MALRD1: variants seen among roughly 807,000 people sequenced by gnomAD.
MALRD1 encodes MAM and LDL receptor class A domain containing 1, also known as MAM and LDL-receptor class A domain-containing protein 1.
In MALRD1, 247 loss-of-function variants were observed where a neutral mutation model predicts 242.1. That is an observed-to-expected ratio of 1.02 (90% CI 0.92 to 1.13). The LOEUF is 1.13. Ranked by LOEUF, MALRD1 falls within the 50% of genes most tolerant of loss-of-function variation. The pLI is 0.00. For missense variants in MALRD1, 2,989 were observed against 2,533.1 expected (o/e 1.18, Z -3.86); for synonymous variants, 995 against 866.6 (o/e 1.15, Z -2.60).
chr10:19,549,021 A>G (rs930390762), intron 32 of MALRD1, among the ~76,000 whole-genome samples: 11 of 152,208 alleles, frequency 7.2e-5, no homozygotes, highest in African/African-American at 2.7e-4. Context: ...TAATGAAGCA[A>G]AACAGCCTTA....
At chr10:19,719,189 T>TATATATATATAC (rs1317498264) in intron 38 of MALRD1, among the ~76,000 whole-genome samples, 11 of 36,660 alleles carry the variant, frequency 3.0e-4, no homozygotes, top group African/African-American at 1.3e-3. Context: ...TATATATATA[T>TATATATATATAC]ACATACATAT....
intron 32 of MALRD1, among the ~76,000 whole-genome samples, chr10:19,532,551 C>G (rs7084915): frequency 6.6e-6 from 1 of 151,972 alleles, no homozygotes; most frequent in Admixed American, 6.6e-5. Flanking sequence ...ACCATGCCCC[C>G]CTTCTCAAAA....
chr10:19,285,153 C>T (rs1296221437), intron 21 of MALRD1, among the ~76,000 whole-genome samples: 4 of 141,910 alleles, frequency 2.8e-5, no homozygotes, highest in Non-Finnish European at 6.1e-5. Flanking sequence ...TGGATATTAG[C>T]CCTTTGTCAG....
At chr10:19,243,205 T>TCC (rs140867550) in intron 18 of MALRD1, among the ~76,000 whole-genome samples, 27 of 151,130 alleles carry the variant, frequency 1.8e-4, no homozygotes, top group African/African-American at 2.7e-4. Flanking sequence ...TCTTGACTTC[T>TCC]CCCCCGCCAC....
At chr10:19,724,545 G>T (rs1215443070) in intron 38 of MALRD1, among the ~76,000 whole-genome samples, 3 of 152,070 alleles carry the variant, frequency 2.0e-5, no homozygotes, top group Non-Finnish European at 4.4e-5. Flanking sequence ...CCCAGATAAA[G>T]GTTTATTCAC....
At chr10:19,658,513 A>C (rs1036854440) in intron 36 of MALRD1, among the ~76,000 whole-genome samples, 5 of 152,258 alleles carry the variant, frequency 3.3e-5, no homozygotes, top group Middle Eastern at 6.8e-3. Flanking sequence ...ACACATACAC[A>C]CAAACACACA....
intron 19 of MALRD1, among the ~76,000 whole-genome samples, chr10:19,273,903 G>A (rs1840375927): frequency 6.6e-6 from 1 of 151,978 alleles, no homozygotes; most frequent in Non-Finnish European, 1.5e-5. Context: ...GATCAAATAA[G>A]GAAAATGGAA....
chr10:19,679,184 G>A (rs1042641342), intron 36 of MALRD1, among the ~76,000 whole-genome samples: 1 of 152,170 alleles, frequency 6.6e-6, no homozygotes, highest in Non-Finnish European at 1.5e-5. Flanking sequence ...AAATGAGTTA[G>A]GGAGGAGTCC....
intron 33 of MALRD1, among the ~76,000 whole-genome samples, chr10:19,591,398 G>T (rs938552886): frequency 2.6e-5 from 4 of 151,968 alleles, no homozygotes; most frequent in Non-Finnish European, 4.4e-5. Context: ...TGATAATTAG[G>T]TAAATCCATG....
intron 26 of MALRD1, among the ~76,000 whole-genome samples, chr10:19,385,128 A>G (rs1382209143): frequency 6.6e-6 from 1 of 151,994 alleles, no homozygotes; most frequent in Non-Finnish European, 1.5e-5. Flanking sequence ...GTAATGATGT[A>G]TGATCCTCTT....
intron 36 of MALRD1, among the ~76,000 whole-genome samples, chr10:19,626,294 ATTTTTTTTTT>A: frequency 7.4e-6 from 1 of 134,302 alleles, no homozygotes; most frequent in African/African-American, 2.8e-5. Context: ...TAAAATCAAG[ATTTTTTTTTT>A]TTTTTTTTTT....
rs147787069 is a variant in MALRD1, at chr10:19,337,877, A to G, written c.3901+6295A>G. Among the ~76,000 whole-genome samples, 342 of 152,080 alleles carry G rather than the reference A, an allele frequency of 2.2e-3. 10 individuals are homozygous for G. In the East Asian group the frequency reaches 0.057, roughly 25 times the overall value. ...GGAGATCAAGACCATCCTAGCCAAC[A>G]TTGTGAAACCCCATCTCCACTAAAA... On this transcript the variant is annotated intron_variant, in intron 24 of 39. Coordinates refer to ENST00000454679, the MANE Select transcript of MALRD1 (RefSeq NM_001142308.3).
chr10:19,730,594 T>C, intron 38 of MALRD1, 112 bp from the exon 39 acceptor site: 1 of 1,071,114 alleles, frequency 9.3e-7, no homozygotes, highest in Non-Finnish European at 1.4e-6. Flanking sequence ...TGAAAATAAG[T>C]GTGCTGGCTA....
intron 14 of MALRD1, among the ~76,000 whole-genome samples, chr10:19,198,554 C>A (rs1458333825): frequency 1.3e-5 from 2 of 152,114 alleles, no homozygotes; most frequent in Non-Finnish European, 2.9e-5. Context: ...CATAGCTCTA[C>A]TATTTAAATA....
rs10579256 is a variant in MALRD1 at position 19,695,519 on chromosome 10, CTTT to C, written c.6314+2981_6314+2983del. On this transcript the variant is annotated intron_variant, in intron 38 of 39. Transcript: ENST00000454679. The stretch of plus-strand genomic sequence containing the variant: ...GAGAAGCAAAGGCATGTTTTTCTTT[CTTT>C]TTTTTTTTTTTTTTTGAGATGGAGT... Among the ~76,000 whole-genome samples the C allele has an allele frequency of 3.2e-3, 374 of 117,080 alleles. 3 individuals carry two copies. Among genetic ancestry groups the C allele is most frequent in the African/African-American group, 9.5e-3 (292 of 30,710 alleles). The allele number at this position is 117,080 out of a possible 152,430, so 76.8% of individuals were successfully genotyped here.
intron 36 of MALRD1, among the ~76,000 whole-genome samples, chr10:19,687,294 A>T (rs1164770331): frequency 6.6e-6 from 1 of 152,170 alleles, no homozygotes; most frequent in Non-Finnish European, 1.5e-5. Context: ...TAGCAAAGAG[A>T]TTACCTGCAA....
At position 19,341,504 on chromosome 10, in the gene MALRD1, A is replaced by ATACATGTG. The variant is rs1414631145; in HGVS notation, c.3902-6265_3902-6264insCATGTGTA. On this transcript the variant is annotated intron_variant, in intron 24 of 39. Coordinates refer to ENST00000454679, the MANE Select transcript of MALRD1 (RefSeq NM_001142308.3). ...TATGTGTATATATATGTATATATGT[A>ATACATGTG]TATATATGTGTGTATATATGTATAT... 3.5e-5 allele frequency among the ~76,000 whole-genome samples: 5 copies of ATACATGTG among 142,316 alleles called. No homozygotes were observed. The East Asian group carries it at 5.9e-4, about 17-fold the overall frequency. 93.4% of individuals were successfully genotyped at this position (142,316 alleles called of 152,430 possible).
chr10:19,109,190 A>G (rs1836584973), intron 5 of MALRD1, among the ~76,000 whole-genome samples: 1 of 152,138 alleles, frequency 6.6e-6, no homozygotes, highest in Non-Finnish European at 1.5e-5. Context: ...CTCCTTGGAC[A>G]AGCTTCCCCA....
At chr10:19,411,011 A>T (rs967225624) in intron 28 of MALRD1, among the ~76,000 whole-genome samples, 1 of 151,264 alleles carries the variant, frequency 6.6e-6, no homozygotes. Flanking sequence ...TCTTTTTCAG[A>T]AAAATATTTT....
Sources: gnomAD v4.1 joint callset for allele counts (sites outside exome capture counted in the v4.1 genomes callset) on GRCh38, gnomAD v4.1.1 for gene constraint, MANE v1.5 for transcripts, NCBI Gene and HGNC (gene_info 2026-07-23, HGNC 2026-07-21) for gene names.